PIR: variants seen among roughly 807,000 people sequenced by gnomAD.
The protein encoded by PIR is pirin, also known as pirin (iron-binding nuclear protein).
Under a neutral mutation model 24.2 loss-of-function variants are expected in PIR, and 22 were observed. The observed-to-expected ratio is 0.91, with a 90% CI of 0.65 to 1.30. The LOEUF is 1.30. Ranked by LOEUF, PIR falls within the 50% of genes most tolerant of loss-of-function variation. The pLI is 0.00. For missense variants in PIR, 220 were observed against 220.3 expected, an observed-to-expected ratio of 1.00 and a Z score of 0.01; for synonymous variants, 80 against 79.6, an observed-to-expected ratio of 1.00 and a Z score of -0.03.
chrX:15,426,363 G>A (rs1925319006), intron 5 of PIR, among the ~76,000 whole-genome samples: 1 of 111,818 alleles, frequency 8.9e-6, no homozygotes, highest in Non-Finnish European at 1.9e-5. Flanking sequence ...TCTTCCCCAT[G>A]TCTCAAGAAA....
intron 2 of PIR, among the ~76,000 whole-genome samples, chrX:15,481,774 A>G (rs181425921): frequency 1.8e-5 from 2 of 111,804 alleles, no homozygotes; most frequent in Non-Finnish European, 3.8e-5. Context: ...GTAGATGTTC[A>G]TATCACCAGT....
At chrX:15,465,312 CCTTTTA>C (rs1395626975) in intron 3 of PIR, among the ~76,000 whole-genome samples, 1 of 111,558 alleles carries the variant, frequency 9.0e-6, no homozygotes, top group East Asian at 2.8e-4. Flanking sequence ...AAACCACTGA[CCTTTTA>C]CTTATTATAA....
At chrX:15,408,296 T>C (rs895455319) in intron 6 of PIR, among the ~76,000 whole-genome samples, 1 of 111,362 alleles carries the variant, frequency 9.0e-6, no homozygotes, top group Admixed American at 9.6e-5. Context: ...TCCAGTGCAT[T>C]CTAGTTGCAT....
chrX:15,408,453 T>G (rs1321974632), intron 6 of PIR, among the ~76,000 whole-genome samples: 1 of 111,712 alleles, frequency 9.0e-6, no homozygotes, highest in Admixed American at 9.5e-5. Flanking sequence ...TTTTCAAGTG[T>G]GTACACTTTT....
rs1450801763 is a variant in PIR at position 15,465,115 on chromosome X, G to A, written c.190-5375C>T. Reference sequence around the variant, plus strand: ...GTTATCCCCCCTTTCCTCTACTTTTGCAGTGTGGATGCTCCTTTCCCTGGT... The same window carrying A: ...GTTATCCCCCCTTTCCTCTACTTTTACAGTGTGGATGCTCCTTTCCCTGGT... On this transcript the variant is annotated intron_variant, in intron 3 of 9. Transcript: ENST00000380420. Among the ~76,000 whole-genome samples the A allele has an allele frequency of 5.4e-5, 6 of 111,096 alleles. No individual in the cohort carries two copies. In the East Asian group the frequency reaches 1.4e-3, roughly 26 times the overall value.
intron 7 of PIR, among the ~76,000 whole-genome samples, chrX:15,404,179 T>G (rs1041485712): frequency 2.7e-5 from 3 of 110,375 alleles, no homozygotes; most frequent in African/African-American, 9.9e-5. Flanking sequence ...TTTGTATTTT[T>G]ACTGGAGACA....
intron 7 of PIR, among the ~76,000 whole-genome samples, chrX:15,406,863 T>C (rs778703295): frequency 8.9e-6 from 1 of 112,056 alleles, no homozygotes; most frequent in Admixed American, 9.4e-5. Flanking sequence ...TATCTCTGCA[T>C]TGTCATTGGA....
At chrX:15,488,492 C>G (rs1253475629) in intron 2 of PIR, among the ~76,000 whole-genome samples, 4 of 110,177 alleles carry the variant, frequency 3.6e-5, no homozygotes, top group Non-Finnish European at 7.6e-5. Context: ...AATGCTTATA[C>G]ATGGGATATG....
chrX:15,385,885 T>A (rs945051190), intron 9 of PIR, among the ~76,000 whole-genome samples: 1 of 112,213 alleles, frequency 8.9e-6, no homozygotes, highest in African/African-American at 3.2e-5. Context: ...CCCTTTTGTC[T>A]AATTGCTGGG....
intron 5 of PIR, among the ~76,000 whole-genome samples, chrX:15,449,318 T>G (rs1926209719): frequency 8.9e-6 from 1 of 112,106 alleles, no homozygotes; most frequent in Admixed American, 9.5e-5. Context: ...GCTCTCTGAT[T>G]CATGCGGATA....
chrX:15,427,843 A>C (rs1311714809), intron 5 of PIR, among the ~76,000 whole-genome samples: 1 of 108,400 alleles, frequency 9.2e-6, no homozygotes, highest in Non-Finnish European at 1.9e-5. Context: ...GTGTGTGCAT[A>C]TGTGTGTGTA....
intron 7 of PIR, among the ~76,000 whole-genome samples, chrX:15,402,062 G>A (rs1180481133): frequency 1.8e-5 from 2 of 111,804 alleles, no homozygotes; most frequent in African/African-American, 3.3e-5. Context: ...AAATACTCCT[G>A]TAGCAATTTG....
chrX:15,486,439 G>A (rs1410728956), intron 2 of PIR, among the ~76,000 whole-genome samples: 1 of 110,080 alleles, frequency 9.1e-6, no homozygotes, highest in Non-Finnish European at 1.9e-5. Context: ...CTTGAGGATG[G>A]GGCCGATGCT....
chrX:15,390,236 G>A lies in PIR; in HGVS notation c.709C>T (p.His237Tyr). ...QVENKDPKRS[H>Y]FVLIAGEPLR... ...GGCTCCCCAGCAATTAAGACAAAGT[G>A]GCTTCTCTTGGGATCCTAAAGTTAA... The change falls in exon 9 of 10, where the codon CAC becomes TAC. Residue 237 changes from histidine to tyrosine, a missense_variant. By Grantham distance (83) the His-to-Tyr change is moderately conservative. Transcript: ENST00000380420. 8.8e-7 allele frequency: 1 copy of A among 1,135,096 alleles called. No individual in the cohort carries two copies. The highest frequency in any genetic ancestry group is 3.1e-5 in the East Asian group (1 of 32,505). The allele number at this position is 1,135,096 out of a possible 1,213,427, so 93.5% of individuals were successfully genotyped here. A position where few individuals can be genotyped will look rare whatever the true frequency, so the allele number is the denominator to read the frequency against.
chrX:15,444,333 T>G (rs1337990000), intron 5 of PIR, among the ~76,000 whole-genome samples: 1 of 112,594 alleles, frequency 8.9e-6, no homozygotes, highest in African/African-American at 3.2e-5. Flanking sequence ...TCAACAAAAG[T>G]ATTTTTAAAT....
Position 15,479,804 on chromosome X carries a change from C to T in PIR, c.114G>A (p.Pro38=), listed in dbSNP as rs138682621. Residue 38 remains proline, a synonymous_variant, in exon 3 of 10, where the codon CCG becomes CCA. Coordinates refer to ENST00000380420, the MANE Select transcript of PIR (RefSeq NM_001018109.3). ...CTTTAAATTCATCAAACAGTAAAAA[C>T]GGATCCAGATTTTTTAACTGAAATA... ...IGRPELKNLD[P]FLLFDEFKGG... The T allele has an allele frequency of 5.1e-5, 59 of 1,152,360 alleles. No homozygotes were observed. The highest frequency in any genetic ancestry group is 1.6e-4 in the African/African-American group (9 of 55,729). 95.0% of individuals were successfully genotyped at this position (1,152,360 alleles called of 1,213,427 possible). A position where few individuals can be genotyped will look rare whatever the true frequency, so the allele number is the denominator to read the frequency against.
At chrX:15,396,743 CTT>C (rs3842704) in intron 8 of PIR, among the ~76,000 whole-genome samples, 5 of 103,128 alleles carry the variant, frequency 4.8e-5, no homozygotes, top group Admixed American at 1.0e-4. Context: ...AGTGGGGATT[CTT>C]TTTTTTTTTT....
intron 3 of PIR, among the ~76,000 whole-genome samples, chrX:15,461,027 C>T (rs1921277736): frequency 8.9e-6 from 1 of 111,943 alleles, no homozygotes. Flanking sequence ...AGAATCTCAC[C>T]TAGGTGCCCC....
intron 5 of PIR, among the ~76,000 whole-genome samples, chrX:15,437,232 G>A (rs1925777507): frequency 8.9e-6 from 1 of 112,022 alleles, no homozygotes; most frequent in Non-Finnish European, 1.9e-5. Context: ...CATTTACAAA[G>A]TGGTGGAGTT....
Sources: allele counts gnomAD v4.1 joint callset (sites outside exome capture counted in the v4.1 genomes callset), GRCh38; gene constraint gnomAD v4.1.1; transcripts MANE v1.5; gene names NCBI Gene and HGNC (gene_info 2026-07-23, HGNC 2026-07-21).